The following PCNT variants were observed in gnomAD, a reference collection of about 807,000 sequenced individuals.
PCNT encodes pericentrin, also known as kendrin.
A neutral mutation model predicts 380.4 loss-of-function variants in PCNT; 319 were observed. That is an observed-to-expected ratio of 0.84 (90% confidence interval 0.77 to 0.92). The LOEUF is 0.92. Ranked by LOEUF, PCNT falls within the 40% of genes least tolerant of loss-of-function variation. PCNT has a pLI of 0.00. For missense variants in PCNT, 4,400 were observed against 4,255.3 expected (o/e 1.03, Z -0.95); for synonymous variants, 1,845 against 1,735.2 (o/e 1.06, Z -1.57).
chr21:46,432,333 G>T (rs965943274), intron 38 of PCNT, 118 bp downstream of exon 38: 4 of 973,912 alleles, frequency 4.1e-6, no homozygotes, highest in Non-Finnish European at 4.7e-6. Context: ...GTCTGCTCTG[G>T]TCTGTGTGCC....
chr21:46,402,370 G>T lies in PCNT; in HGVS notation c.5002G>T (p.Asp1668Tyr), dbSNP rs767580432. The T allele has an allele frequency of 6.8e-6, 11 of 1,611,538 alleles. No individual in the cohort carries two copies. Among genetic ancestry groups the T allele is most frequent in the South Asian group, 1.1e-5 (1 of 90,982 alleles). The change falls in exon 27 of 47, where the codon GAC becomes TAC. Residue 1668 changes from aspartate (D) to tyrosine (Y), a missense_variant. Transcript: ENST00000359568. ...LKEQLEKMKGDLESKNEEILH... is the reference protein window; with the variant it reads ...LKEQLEKMKGYLESKNEEILH... ...AGAACAGCTAGAAAAGATGAAAGGT[G>T]ACTTAGAAAGTAAAAATGAAGAAAT...
At chr21:46,396,255 C>T (rs528414311) in intron 21 of PCNT, among the ~76,000 whole-genome samples, 6 of 152,338 alleles carry the variant, frequency 3.9e-5, no homozygotes, top group Middle Eastern at 3.4e-3. Flanking sequence ...GGCGATTTAT[C>T]ACAGACACAC....
chr21:46,351,680 G>C, intron 9 of PCNT, 140 bp downstream of exon 9: 1 of 706,760 alleles, frequency 1.4e-6, no homozygotes, highest in African/African-American at 1.7e-5. Flanking sequence ...TGAAGGTTGA[G>C]GTGTCTGGTT....
rs371278609 is a variant in PCNT at position 46,427,735 on chromosome 21, C to T, written c.7434C>T (p.Gly2478=). 19 of 1,613,812 alleles carry T rather than the reference C, an allele frequency of 1.2e-5. No individual in the cohort carries two copies. Among genetic ancestry groups the T allele is most frequent in the Non-Finnish European group, 1.6e-5 (19 of 1,180,014 alleles). The change falls in exon 34 of 47, where the codon GGC becomes GGT. Residue 2478 remains glycine, a synonymous_variant. Coordinates refer to ENST00000359568, the MANE Select transcript of PCNT (RefSeq NM_006031.6). ...TTGAGCTGCAGCCCCGACTCAGTGG[C>T]TCAGATCTGGGGGGTCACAGCTCCC... ...QGVELQPRLS[G]SDLGGHSSLL... is the part of the protein sequence containing the mutation.
intron 15 of PCNT, among the ~76,000 whole-genome samples, chr21:46,378,501 C>T (rs1269017216): frequency 1.3e-5 from 2 of 152,078 alleles, no homozygotes; most frequent in African/African-American, 4.8e-5. Flanking sequence ...TGCGTGTGGG[C>T]AGGTAGTGCT....
chr21:46,341,330 A>G (rs2083905523), intron 3 of PCNT, among the ~76,000 whole-genome samples: 1 of 151,898 alleles, frequency 6.6e-6, no homozygotes, highest in Non-Finnish European at 1.5e-5. Context: ...CGCTTGGAGT[A>G]GCACATTGTC....
chr21:46,400,812 G>A (rs1162379141), intron 25 of PCNT, among the ~76,000 whole-genome samples: 1 of 152,152 alleles, frequency 6.6e-6, no homozygotes, highest in East Asian at 1.9e-4. Context: ...GAACCACCAC[G>A]CCCGGCCAAG....
intron 38 of PCNT, among the ~76,000 whole-genome samples, chr21:46,434,899 C>T (rs1432300028): frequency 2.0e-5 from 3 of 152,236 alleles, no homozygotes; most frequent in Admixed American, 6.5e-5. Flanking sequence ...AAGCGTCATC[C>T]GGTCTGTTCT....
chr21:46,428,351 G>A (rs1441836804), intron 34 of PCNT, 44 bp from the exon 35 acceptor site: 2 of 1,572,430 alleles, frequency 1.3e-6, no homozygotes, highest in Non-Finnish European at 1.7e-6. Flanking sequence ...GGGGCATGGG[G>A]TGGCTGCCCA....
rs975105417 is a variant in PCNT, at chr21:46,355,327, G to A, written c.1762-125G>A. The stretch of plus-strand genomic sequence containing the variant: ...CGGGGTTCACCAGGGCGCAGCGTGT[G>A]GTCTCATGAACCTAGTGAGGTTTGA... On this transcript the variant is annotated intron_variant, in intron 11 of 46. Coordinates refer to ENST00000359568, the MANE Select transcript of PCNT (RefSeq NM_006031.6). The A allele has an allele frequency of 2.1e-5, 21 of 992,234 alleles. No homozygotes were observed. In the South Asian group the frequency reaches 2.7e-4, roughly 13 times the overall value. 61.5% of individuals were successfully genotyped at this position (992,234 alleles called of 1,614,324 possible).
chr21:46,397,984 G>C (rs1214106907), intron 22 of PCNT, 30 bp from the exon 23 acceptor site: 1 of 1,529,632 alleles, frequency 6.5e-7, no homozygotes. Flanking sequence ...CCCCGTTGGG[G>C]TGGTCCCAAC....
intron 30 of PCNT, among the ~76,000 whole-genome samples, chr21:46,417,557 G>A (rs906445236): frequency 6.6e-6 from 1 of 152,016 alleles, no homozygotes; most frequent in Non-Finnish European, 1.5e-5. Flanking sequence ...GAGTTAGATC[G>A]TATTATTTCT....
intron 3 of PCNT, among the ~76,000 whole-genome samples, chr21:46,342,547 CTT>C (rs1003934006): frequency 7.9e-6 from 1 of 126,142 alleles, no homozygotes; most frequent in Non-Finnish European, 1.7e-5. Context: ...TTTTTTTTTT[CTT>C]TTTTTTTTGA....
rs2085901775 is a variant in PCNT, at chr21:46,388,068, G to A, written c.3465-674G>A. Among the ~76,000 whole-genome samples the A allele has an allele frequency of 6.6e-6, 1 of 152,112 alleles. No homozygotes were observed. Among genetic ancestry groups the A allele is most frequent in the Non-Finnish European group, 1.5e-5 (1 of 68,012 alleles). Reference sequence around the variant, plus strand: ...TACTAAAAATACAAAAAATTAGCCGGGCGTGGTGACAGACGCCTGTAGTCC... The same window carrying A: ...TACTAAAAATACAAAAAATTAGCCGAGCGTGGTGACAGACGCCTGTAGTCC... On this transcript the variant is annotated intron_variant, in intron 17 of 46. Coordinates refer to ENST00000359568, the MANE Select transcript of PCNT (RefSeq NM_006031.6). The surrounding 1 kb of genome is among the most constrained non-coding windows in gnomAD (Gnocchi z 4.2).
intron 27 of PCNT, among the ~76,000 whole-genome samples, chr21:46,410,688 A>T: frequency 6.6e-6 from 1 of 152,158 alleles, no homozygotes; most frequent in East Asian, 1.9e-4. Flanking sequence ...GGTGTCACCG[A>T]GTGGCAGTGG....
At chr21:46,361,834 C>A (rs1045919723) in intron 13 of PCNT, among the ~76,000 whole-genome samples, 6 of 152,088 alleles carry the variant, frequency 3.9e-5, no homozygotes, top group African/African-American at 1.4e-4. Flanking sequence ...TGACAGGTTT[C>A]TTGTTCAGGA....
intron 14 of PCNT, among the ~76,000 whole-genome samples, chr21:46,364,249 C>T (rs375566363): frequency 2.0e-5 from 3 of 151,744 alleles, no homozygotes; most frequent in East Asian, 1.9e-4. Flanking sequence ...TGTGCTCGGA[C>T]GGGCAGGCTG....
At chr21:46,370,226 G>GA (rs1396914476) in intron 15 of PCNT, among the ~76,000 whole-genome samples, 1 of 151,178 alleles carries the variant, frequency 6.6e-6, no homozygotes, top group African/African-American at 2.4e-5. Context: ...TGGGCATCCG[G>GA]GGGGGGGTGT....
rs904790873 is a variant in PCNT, at chr21:46,388,050, A to G, written c.3465-692A>G. On this transcript the variant is annotated intron_variant, in intron 17 of 46. Transcript: ENST00000359568. The surrounding 1 kb of genome is among the most constrained non-coding windows in gnomAD (Gnocchi z 4.2). Reference sequence around the variant, plus strand: ...ATGGTGAAACCCCATCTCTACTAAAAATACAAAAAATTAGCCGGGCGTGGT... The same window carrying G: ...ATGGTGAAACCCCATCTCTACTAAAGATACAAAAAATTAGCCGGGCGTGGT... 3.3e-5 allele frequency among the ~76,000 whole-genome samples: 5 copies of G among 151,982 alleles called. No homozygotes were observed. Among genetic ancestry groups the G allele is most frequent in the African/African-American group, 1.2e-4 (5 of 41,358 alleles).
Sources: allele counts gnomAD v4.1 joint callset (sites outside exome capture counted in the v4.1 genomes callset), GRCh38; gene constraint gnomAD v4.1.1; non-coding constraint Gnocchi (gnomAD v3.1); transcripts MANE v1.5; gene names NCBI Gene and HGNC (gene_info 2026-07-23, HGNC 2026-07-21).